Variants in SETD4 observed in about 807,000 individuals in gnomAD.
SETD4 encodes SET domain-containing protein 4.
SETD4 carries 46 observed loss-of-function variants against 58.3 expected under a neutral mutation model. The observed-to-expected ratio is 0.79, with a 90% confidence interval of 0.62 to 1.01. The LOEUF is 1.01. Among genes scored for constraint, SETD4 ranks in the 50% least tolerant of loss-of-function variants. SETD4 has a pLI of 0.00. For missense variants in SETD4, 490 were observed against 523.3 expected (o/e 0.94, Z 0.62); for synonymous variants, 190 against 202.6 (o/e 0.94, Z 0.53).
intron 4 of SETD4, among the ~76,000 whole-genome samples, chr21:36,052,066 C>CA (rs1365349301): frequency 6.8e-6 from 1 of 147,700 alleles, no homozygotes; most frequent in Non-Finnish European, 1.5e-5. Context: ...ATTAACACGG[C>CA]GTAATAGAAT....
Position 36,036,247 on chromosome 21 carries a change from G to A in SETD4, c.1193C>T (p.Ser398Phe). Residue 398 changes from serine (S) to phenylalanine (F), a missense_variant, in exon 11 of 12, where the codon TCT becomes TTT. Physicochemically the swap from Ser to Phe is radical, Grantham distance 155. Coordinates refer to ENST00000332131, the MANE Select transcript of SETD4 (RefSeq NM_017438.5). ...EETNAVLQKV[S>F]HMKDEKEALI... The stretch of plus-strand genomic sequence containing the variant: ...GGCCTCTTTTTCATCCTTCATATGA[G>A]ACACCTGAAAGTTATTTTTTAATTA... 6.3e-7 allele frequency: 1 copy of A among 1,591,398 alleles called. No homozygotes were observed. The highest frequency in any genetic ancestry group is 8.5e-7 in the Non-Finnish European group (1 of 1,173,174).
rs748417071 is a variant in SETD4, at chr21:36,036,230, T to C, written c.1210A>G (p.Lys404Glu). 11 of 1,609,492 alleles carry C rather than the reference T, an allele frequency of 6.8e-6. No individual in the cohort carries two copies. The Admixed American group carries it at 1.5e-4, about 22-fold the overall frequency. The change falls in exon 11 of 12, where the codon AAA becomes GAA. Residue 404 changes from lysine to glutamate, a missense_variant. By Grantham distance (56) the Lys-to-Glu change is moderately conservative (BLOSUM62 1). Coordinates refer to ENST00000332131, the MANE Select transcript of SETD4 (RefSeq NM_017438.5). Reference sequence around the variant, plus strand: ...GTTAGTTGGTTTATCAGGGCCTCTTTTTCATCCTTCATATGAGACACCTGA... The same window carrying C: ...GTTAGTTGGTTTATCAGGGCCTCTTCTTCATCCTTCATATGAGACACCTGA... ...LQKVSHMKDE[K>E]EALINQLTLV...
At chr21:36,043,496 C>G (rs943802818) in intron 7 of SETD4, 1 of 1,204,130 alleles carries the variant, frequency 8.3e-7, no homozygotes, top group African/African-American at 1.6e-5. Flanking sequence ...ACATTTCCAT[C>G]CTTTAATACT....
intron 5 of SETD4, 83 bp downstream of exon 5, chr21:36,048,225 T>TCA: frequency 9.3e-7 from 1 of 1,076,732 alleles, no homozygotes; most frequent in South Asian, 1.3e-5. Flanking sequence ...TTCTAATGAA[T>TCA]TGTGTCTCAA....
At chr21:36,041,674 G>C in intron 8 of SETD4, 133 bp downstream of exon 8, 1 of 622,268 alleles carries the variant, frequency 1.6e-6, no homozygotes, top group South Asian at 1.8e-5. Context: ...ACTGCACATA[G>C]TAAGTGCTCA....
intron 1 of SETD4, 195 bp downstream of exon 1, chr21:36,060,152 A>C: frequency 1.0e-6 from 1 of 984,296 alleles, no homozygotes; most frequent in Non-Finnish European, 1.2e-6. Flanking sequence ...CCGGAGCAAC[A>C]TGCGCTAAGT....
Position 36,045,951 on chromosome 21 carries a change from A to G in SETD4, c.357T>C (p.His119=), listed in dbSNP as rs980155148. ...ALCTFLVSEK[H]AGHRSLWKPY... ...GCTTCCAAAGAGATCGGTGCCCAGC[A>G]TGCTTTTCTGAAACTAAAAAGGTGC... The change falls in exon 6 of 12, where the codon CAT becomes CAC. Residue 119 remains histidine, a synonymous_variant. Transcript: ENST00000332131. 1 of 1,614,234 alleles carries G rather than the reference A, an allele frequency of 6.2e-7. No individual in the cohort carries two copies. Among genetic ancestry groups the G allele is most frequent in the Non-Finnish European group, 8.5e-7 (1 of 1,180,044 alleles).
chr21:36,058,425 G>A (rs2065095800), intron 2 of SETD4, among the ~76,000 whole-genome samples: 1 of 151,810 alleles, frequency 6.6e-6, no homozygotes, highest in East Asian at 1.9e-4. Flanking sequence ...GGCTAAGGGA[G>A]GAGATCACTT....
chr21:36,044,037 T>C, intron 6 of SETD4, 81 bp from the exon 7 acceptor site: 1 of 1,482,374 alleles, frequency 6.7e-7, no homozygotes, highest in Non-Finnish European at 9.1e-7. Context: ...ATAATATTAA[T>C]GTGAGTCAGG....
intron 5 of SETD4, among the ~76,000 whole-genome samples, 161 bp downstream of exon 5, chr21:36,048,147 A>G (rs76783989): frequency 0.13 from 19,501 of 151,720 alleles, 1,334 homozygotes; most frequent in Middle Eastern, 0.24. Flanking sequence ...GAGGGAGGGC[A>G]AACTTTCTAG....
chr21:36,056,409 C>T (rs1048016076), intron 3 of SETD4, among the ~76,000 whole-genome samples: 1 of 152,196 alleles, frequency 6.6e-6, no homozygotes, highest in African/African-American at 2.4e-5. Context: ...CTACAGCAGA[C>T]TCCAAATCCT....
At chr21:36,037,148 T>C (rs1218645199) in intron 10 of SETD4, among the ~76,000 whole-genome samples, 1 of 152,228 alleles carries the variant, frequency 6.6e-6, no homozygotes, top group African/African-American at 2.4e-5. Context: ...TATTATGTAC[T>C]TGAAAATTGC....
chr21:36,050,443 T>G, intron 4 of SETD4: 1 of 1,614,098 alleles, frequency 6.2e-7, no homozygotes, highest in Non-Finnish European at 8.5e-7. Flanking sequence ...GTGGTGGTAG[T>G]CAGAGTACCA....
At chr21:36,042,886 G>C (rs1026279751) in intron 7 of SETD4, 1 of 152,046 alleles carries the variant, frequency 6.6e-6, no homozygotes. Context: ...GGAGGATCTC[G>C]AGCCCAGGAG....
rs762097459 is a variant in SETD4, at chr21:36,043,799, C to T, written c.884G>A (p.Cys295Tyr). 4 of 1,614,116 alleles carry T rather than the reference C, an allele frequency of 2.5e-6. No homozygotes were observed. Among genetic ancestry groups the T allele is most frequent in the Non-Finnish European group, 3.4e-6 (4 of 1,180,006 alleles). Residue 295 changes from cysteine (C) to tyrosine (Y), a missense_variant, in exon 7 of 12, where the codon TGT (cysteine) becomes TAT (tyrosine). Cys to Tyr is a radical substitution (Grantham distance 194). Coordinates refer to ENST00000332131, the MANE Select transcript of SETD4 (RefSeq NM_017438.5). ...GFVSVHNPHA[C>Y]VYVSREILVK... ...ATTCCAACCTCTTGAGACATAAACA[C>T]AAGCATGAGGATTATGGACAGAAAC...
At chr21:36,051,418 C>G (rs2064679739) in intron 4 of SETD4, 2 of 1,452,142 alleles carry the variant, frequency 1.4e-6, no homozygotes, top group Non-Finnish European at 1.8e-6. Flanking sequence ...GTAAAACTTT[C>G]TTTCTTTTTT....
chr21:36,045,273 G>A (rs2064256835), intron 6 of SETD4, among the ~76,000 whole-genome samples: 1 of 152,218 alleles, frequency 6.6e-6, no homozygotes, highest in African/African-American at 2.4e-5. Context: ...CCCGGAAGGA[G>A]GAACGAGGGA....
rs563360891 is a variant in SETD4, at chr21:36,058,643, G to C, written c.73+173C>G. Among the ~76,000 whole-genome samples, 239 of 152,252 alleles carry C rather than the reference G, an allele frequency of 1.6e-3. 1 individual carries two copies. The highest frequency in any genetic ancestry group is 6.8e-3 in the Middle Eastern group (2 of 294). On this transcript the variant is annotated intron_variant, in intron 2 of 11. Coordinates refer to ENST00000332131, the MANE Select transcript of SETD4 (RefSeq NM_017438.5). ...TGAGGCAGGAGAATCGCTTGAACCG[G>C]GGAAGCAGAGGTTGCAGTGAGCCAA... is the stretch of plus-strand genomic sequence containing the variant.
At chr21:36,055,550 G>A (rs2064946831) in intron 3 of SETD4, among the ~76,000 whole-genome samples, 1 of 152,174 alleles carries the variant, frequency 6.6e-6, no homozygotes, top group Non-Finnish European at 1.5e-5. Context: ...GAGATTTCCT[G>A]TGCCCCTCCA....
Sources: gnomAD v4.1 joint callset for allele counts (sites outside exome capture counted in the v4.1 genomes callset) on GRCh38, gnomAD v4.1.1 for gene constraint, MANE v1.5 for transcripts, NCBI Gene and HGNC (gene_info 2026-07-23, HGNC 2026-07-21) for gene names.